SPPL2A: variants seen among roughly 807,000 people sequenced by gnomAD.
SPPL2A encodes the protein signal peptide peptidase like 2A, also known as signal peptide peptidase-like 2A.
In SPPL2A, 51 loss-of-function variants were observed where a neutral mutation model predicts 63.8. The ratio of observed to expected loss-of-function variants is 0.80; its 90% confidence interval spans 0.64 to 1.01. The LOEUF (loss-of-function observed/expected upper bound fraction) is 1.01. Among genes scored for constraint, SPPL2A ranks in the 50% least tolerant of loss-of-function variants. SPPL2A has a pLI of 0.00. For missense variants in SPPL2A, 553 were observed against 622.7 expected, an observed-to-expected ratio of 0.89 and a Z score of 1.19; for synonymous variants, 188 against 205.8, an observed-to-expected ratio of 0.91 and a Z score of 0.74.
At chr15:50,733,908 A>T (rs1209619866) in intron 8 of SPPL2A, among the ~76,000 whole-genome samples, 1 of 152,164 alleles carries the variant, frequency 6.6e-6, no homozygotes, top group Admixed American at 6.5e-5. Flanking sequence ...TATATGAAAA[A>T]ATGCTCAACA....
At chr15:50,719,481 G>A (rs546597995) in intron 14 of SPPL2A, among the ~76,000 whole-genome samples, 11 of 152,178 alleles carry the variant, frequency 7.2e-5, no homozygotes, top group Non-Finnish European at 1.5e-4. Context: ...CTGTCCTCAG[G>A]TGATCCATCT....
intron 14 of SPPL2A, among the ~76,000 whole-genome samples, chr15:50,710,155 T>A (rs2062545065): frequency 6.6e-6 from 1 of 152,150 alleles, no homozygotes; most frequent in Admixed American, 6.6e-5. Context: ...CTCAGCAGAA[T>A]GGATGGTGGA....
At chr15:50,718,009 T>A (rs1489804095) in intron 14 of SPPL2A, among the ~76,000 whole-genome samples, 1 of 144,276 alleles carries the variant, frequency 6.9e-6, no homozygotes, top group East Asian at 2.3e-4. Flanking sequence ...TCTTGCTCTG[T>A]CCCCCAGGCT....
chr15:50,753,690 G>C lies in SPPL2A; in HGVS notation c.67-3944C>G, dbSNP rs192325945. 2.7e-4 allele frequency among the ~76,000 whole-genome samples: 41 copies of C among 152,322 alleles called. 1 individual carries two copies. Among genetic ancestry groups the C allele is most frequent in the Admixed American group, 2.5e-3 (39 of 15,302 alleles). On this transcript the variant is annotated intron_variant, in intron 1 of 14. Coordinates refer to ENST00000261854, the MANE Select transcript of SPPL2A (RefSeq NM_032802.4). ...GCACTTTGCCAAGTACTTATGCAAT[G>C]TAAAAGAAATACAAAAGATTAATGG...
At chr15:50,757,920 G>A (rs1352553492) in intron 1 of SPPL2A, among the ~76,000 whole-genome samples, 1 of 149,442 alleles carries the variant, frequency 6.7e-6, no homozygotes, top group Non-Finnish European at 1.5e-5. Flanking sequence ...GGAGGTGGAA[G>A]TTGCAGTGAG....
At chr15:50,710,721 T>C (rs1389323056) in intron 14 of SPPL2A, among the ~76,000 whole-genome samples, 1 of 152,202 alleles carries the variant, frequency 6.6e-6, no homozygotes, top group Non-Finnish European at 1.5e-5. Flanking sequence ...GGAGACTTGC[T>C]GATACTAAAG....
At chr15:50,724,767 CTG>C (rs2062673140) in intron 12 of SPPL2A, among the ~76,000 whole-genome samples, 1 of 152,282 alleles carries the variant, frequency 6.6e-6, no homozygotes, top group African/African-American at 2.4e-5. Flanking sequence ...CCACTATAAA[CTG>C]TGTCTTTTTG....
intron 5 of SPPL2A, among the ~76,000 whole-genome samples, chr15:50,746,158 G>A (rs1041066511): frequency 1.3e-5 from 2 of 151,532 alleles, no homozygotes; most frequent in Non-Finnish European, 2.9e-5. Flanking sequence ...CAAACATGGA[G>A]GCCAGGCACA....
At chr15:50,726,287 T>G in intron 11 of SPPL2A, 34 bp downstream of exon 11, 1 of 1,603,308 alleles carries the variant, frequency 6.2e-7, no homozygotes, top group Non-Finnish European at 8.5e-7. Flanking sequence ...ATACATACAC[T>G]GGATAGCCAT....
intron 1 of SPPL2A, among the ~76,000 whole-genome samples, chr15:50,751,383 G>A (rs138042339): frequency 2.0e-5 from 3 of 152,268 alleles, no homozygotes; most frequent in Non-Finnish European, 4.4e-5. Flanking sequence ...CCTACCTAAG[G>A]TCATATAGTA....
At position 50,707,681 on chromosome 15, in the gene SPPL2A, T is replaced by C; in HGVS notation, c.*119A>G. On this transcript the variant is annotated 3_prime_UTR_variant, in exon 15 of 15. Transcript: ENST00000261854. ...AACTGTCAGTACCAGCTCATAAAAA[T>C]ATATTTTTGCAAGCATATCATTGAA... The C allele has an allele frequency of 3.2e-6, 2 of 619,424 alleles. No individual in the cohort carries two copies. Among genetic ancestry groups the C allele is most frequent in the Non-Finnish European group, 5.8e-6 (2 of 344,774 alleles). 38.4% of individuals were successfully genotyped at this position (619,424 alleles called of 1,614,324 possible).
chr15:50,751,304 T>G (rs994108616), intron 1 of SPPL2A, among the ~76,000 whole-genome samples: 1 of 152,228 alleles, frequency 6.6e-6, no homozygotes, highest in Admixed American at 6.5e-5. Context: ...CTTTCATGCA[T>G]TTTTTCTGAT....
Position 50,765,536 on chromosome 15 carries a change from G to A in SPPL2A, c.-3C>T. The stretch of plus-strand genomic sequence containing the variant: ...GACAGCCGCCGCTGCGGCCCCATCG[G>A]ACTGGTGGGTGCCGGGTGGGACGGC... On this transcript the variant is annotated 5_prime_UTR_variant, in exon 1 of 15. Coordinates refer to ENST00000261854, the MANE Select transcript of SPPL2A (RefSeq NM_032802.4). 6.7e-7 allele frequency: 1 copy of A among 1,494,088 alleles called. No homozygotes were observed. 92.6% of individuals were successfully genotyped at this position (1,494,088 alleles called of 1,614,324 possible). A position where few individuals can be genotyped will look rare whatever the true frequency, so the allele number is the denominator to read the frequency against.
At chr15:50,721,524 G>C (rs1050919530) in intron 13 of SPPL2A, among the ~76,000 whole-genome samples, 8 of 150,798 alleles carry the variant, frequency 5.3e-5, no homozygotes, top group African/African-American at 2.0e-4. Context: ...TTGACCTCTT[G>C]GGCTTAAGCG....
At chr15:50,741,957 C>A (rs1393491373) in intron 5 of SPPL2A, among the ~76,000 whole-genome samples, 2 of 149,990 alleles carry the variant, frequency 1.3e-5, no homozygotes, top group African/African-American at 4.9e-5. Flanking sequence ...GACAGTGAGA[C>A]TCCAACTCAA....
chr15:50,725,764 T>C (rs1233951250), intron 11 of SPPL2A, among the ~76,000 whole-genome samples: 1 of 152,212 alleles, frequency 6.6e-6, no homozygotes, highest in Non-Finnish European at 1.5e-5. Context: ...TGATTAACAT[T>C]AGAATAGTTC....
At chr15:50,727,264 G>A (rs1233428565) in intron 10 of SPPL2A, among the ~76,000 whole-genome samples, 2 of 152,138 alleles carry the variant, frequency 1.3e-5, no homozygotes, top group East Asian at 3.8e-4. Context: ...TGTGGGTGGG[G>A]TGCACAGGAG....
rs771121761 is a variant in SPPL2A, at chr15:50,725,341, AAAAC to A, written c.1147-22_1147-19del. 8 of 1,228,290 alleles carry A rather than the reference AAAAC, an allele frequency of 6.5e-6. No individual in the cohort carries two copies. The South Asian group carries it at 1.0e-4, about 16-fold the overall frequency. 76.1% of individuals were successfully genotyped at this position (1,228,290 alleles called of 1,614,324 possible). On this transcript the variant is annotated intron_variant, in intron 11 of 14. Coordinates refer to ENST00000261854, the MANE Select transcript of SPPL2A (RefSeq NM_032802.4). The stretch of plus-strand genomic sequence containing the variant: ...ACTGGCAACTGTTCAAAAACAAAAC[AAAAC>A]AAAACAAAACAAAACAAAAAACAAA...
intron 14 of SPPL2A, among the ~76,000 whole-genome samples, chr15:50,709,817 A>T (rs915658193): frequency 2.0e-5 from 3 of 152,142 alleles, no homozygotes; most frequent in South Asian, 2.1e-4. Context: ...ATAAAAAAAT[A>T]AAAAACCTGC....
Sources: gnomAD v4.1 joint callset for allele counts (sites outside exome capture counted in the v4.1 genomes callset) on GRCh38, gnomAD v4.1.1 for gene constraint, MANE v1.5 for transcripts, NCBI Gene and HGNC (gene_info 2026-07-23, HGNC 2026-07-21) for gene names.